PDE10A: variants seen among roughly 807,000 people sequenced by gnomAD.
PDE10A encodes the protein phosphodiesterase 10A, also known as cAMP and cAMP-inhibited cGMP 3',5'-cyclic phosphodiesterase 10A.
Under a neutral mutation model 97.7 loss-of-function variants are expected in PDE10A, and 39 were observed. The ratio of observed to expected loss-of-function variants is 0.40; its 90% CI spans 0.31 to 0.52. The LOEUF is 0.52. Among genes scored for constraint, PDE10A ranks in the 20% least tolerant of loss-of-function variants. The pLI, the probability that PDE10A is intolerant of heterozygous loss-of-function variation, is 0.56. For missense variants in PDE10A, 731 were observed against 1,047.8 expected, an observed-to-expected ratio of 0.70 and a Z score of 4.17; for synonymous variants, 371 against 376.8, an observed-to-expected ratio of 0.98 and a Z score of 0.18.
At chr6:165,619,018 TCTA>T (rs1457584799) in intron 1 of PDE10A, among the ~76,000 whole-genome samples, 129 of 117,228 alleles carry the variant, frequency 1.1e-3, no homozygotes, top group Middle Eastern at 4.4e-3. Flanking sequence ...TCTAGTGTAG[TCTA>T]GCATAGTCTA....
At chr6:165,742,137 T>G (rs1042053937) in intron 1 of PDE10A, among the ~76,000 whole-genome samples, 9 of 152,120 alleles carry the variant, frequency 5.9e-5, no homozygotes, top group Non-Finnish European at 7.4e-5. Context: ...TATTTCAGTT[T>G]TAGGGAAGGT....
chr6:165,836,614 G>T (rs181951911), intron 1 of PDE10A, among the ~76,000 whole-genome samples: 203 of 152,326 alleles, frequency 1.3e-3, no homozygotes, highest in Non-Finnish European at 2.3e-3. Context: ...CTGCCTCGGG[G>T]CAGTGACCTC....
Position 165,661,693 on chromosome 6 carries a change from C to T in PDE10A, c.865+254G>A. ...GCTCGCAACGTCCAAGCTCCCGCCG[C>T]CCTCCCGAGCCGCCCTTCCCCCGAG... On this transcript the variant is annotated intron_variant, in intron 1 of 21. Transcript: ENST00000539869. This position sits in a 1 kb window ranked among gnomAD's most constrained non-coding sequence, Gnocchi z 4.8. 2.3e-6 allele frequency: 1 copy of T among 436,028 alleles called. No homozygotes were observed. The highest frequency in any genetic ancestry group is 4.4e-5 in the South Asian group (1 of 22,652). The allele number at this position is 436,028 out of a possible 1,614,324, so 27.0% of individuals were successfully genotyped here.
At chr6:165,393,303 C>A (rs969560604) in intron 15 of PDE10A, among the ~76,000 whole-genome samples, 1 of 151,936 alleles carries the variant, frequency 6.6e-6, no homozygotes, top group African/African-American at 2.4e-5. Flanking sequence ...ATTACACACT[C>A]AAATTATTAA....
intron 1 of PDE10A, among the ~76,000 whole-genome samples, chr6:165,953,216 A>G (rs1162654962): frequency 6.6e-6 from 1 of 152,196 alleles, no homozygotes; most frequent in Non-Finnish European, 1.5e-5. Flanking sequence ...CCAATATCTG[A>G]GGAATTAAAT....
At chr6:165,934,255 C>A (rs1783250683) in intron 1 of PDE10A, among the ~76,000 whole-genome samples, 1 of 151,270 alleles carries the variant, frequency 6.6e-6, no homozygotes, top group African/African-American at 2.4e-5. Context: ...CAATCTTGGC[C>A]TCCCAAAGTG....
intron 15 of PDE10A, among the ~76,000 whole-genome samples, chr6:165,393,347 T>C (rs908451601): frequency 6.6e-6 from 1 of 151,746 alleles, no homozygotes; most frequent in African/African-American, 2.4e-5. Flanking sequence ...ACTGACATAG[T>C]ATATAAAATA....
chr6:165,516,029 A>G (rs1781785018), intron 2 of PDE10A, among the ~76,000 whole-genome samples: 1 of 152,222 alleles, frequency 6.6e-6, no homozygotes, highest in Admixed American at 6.5e-5. Context: ...AAAATCTGCT[A>G]AAATATCATT....
intron 1 of PDE10A, chr6:165,894,494 C>T (rs78364759): frequency 0.057 from 26,086 of 455,990 alleles, 946 homozygotes; most frequent in Middle Eastern, 0.1. Context: ...AGATTTATAG[C>T]CCTTCGTGTG....
At chr6:165,543,026 G>A (rs1415252708) in intron 2 of PDE10A, among the ~76,000 whole-genome samples, 14 of 151,968 alleles carry the variant, frequency 9.2e-5, no homozygotes, top group Admixed American at 9.2e-4. Flanking sequence ...TATAAAAATT[G>A]TTTTTATATT....
At chr6:165,726,616 G>A (rs533899281) in intron 1 of PDE10A, among the ~76,000 whole-genome samples, 112 of 152,248 alleles carry the variant, frequency 7.4e-4, no homozygotes, top group African/African-American at 2.6e-3. Context: ...ACCGCCTTCC[G>A]ACGGGCCTGG....
chr6:165,806,724 T>C (rs1360208401), intron 1 of PDE10A, among the ~76,000 whole-genome samples: 1 of 151,708 alleles, frequency 6.6e-6, no homozygotes, highest in Non-Finnish European at 1.5e-5. Flanking sequence ...TCCCCTAATC[T>C]CTCAAGGGAA....
chr6:165,616,548 AATGTAC>A (rs2128404114), intron 1 of PDE10A, among the ~76,000 whole-genome samples: 1 of 152,332 alleles, frequency 6.6e-6, no homozygotes, highest in East Asian at 1.9e-4. Flanking sequence ...CAGATTAAAC[AATGTAC>A]AGGTTATGCA....
intron 1 of PDE10A, among the ~76,000 whole-genome samples, chr6:165,610,453 C>T (rs1787437088): frequency 6.6e-6 from 1 of 151,746 alleles, no homozygotes; most frequent in Non-Finnish European, 1.5e-5. Context: ...ATAGCGTGAA[C>T]CCAGGAGGCG....
intron 2 of PDE10A, among the ~76,000 whole-genome samples, chr6:165,500,472 T>C (rs997450177): frequency 3.9e-5 from 6 of 152,208 alleles, no homozygotes; most frequent in Admixed American, 3.3e-4. Context: ...TTTAGGGCTA[T>C]GCAGGATGTG....
chr6:165,624,245 C>G (rs980325572), intron 1 of PDE10A, among the ~76,000 whole-genome samples: 4 of 152,210 alleles, frequency 2.6e-5, no homozygotes, highest in African/African-American at 9.6e-5. Flanking sequence ...GGCACACTCT[C>G]CAGCATCTGG....
chr6:165,766,915 T>C (rs1337371307), intron 1 of PDE10A, among the ~76,000 whole-genome samples: 2 of 152,254 alleles, frequency 1.3e-5, no homozygotes, highest in Non-Finnish European at 2.9e-5. Flanking sequence ...TTGAAGATTA[T>C]ATAACAGAAG....
intron 1 of PDE10A, among the ~76,000 whole-genome samples, chr6:165,568,590 T>C (rs1784906652): frequency 6.6e-6 from 1 of 152,128 alleles, no homozygotes; most frequent in Non-Finnish European, 1.5e-5. Flanking sequence ...GCTTATCAGA[T>C]CAACTGTCAT....
intron 1 of PDE10A, among the ~76,000 whole-genome samples, chr6:165,829,771 T>C (rs1263151384): frequency 6.6e-6 from 1 of 152,232 alleles, no homozygotes; most frequent in East Asian, 1.9e-4. Context: ...TGCTGGTATC[T>C]GGCATGGAGG....
Sources: allele counts gnomAD v4.1 joint callset (sites outside exome capture counted in the v4.1 genomes callset), GRCh38; gene constraint gnomAD v4.1.1; non-coding constraint Gnocchi (gnomAD v3.1); transcripts MANE v1.5; gene names NCBI Gene and HGNC (gene_info 2026-07-23, HGNC 2026-07-21).